PLCB1: variants seen among roughly 807,000 people sequenced by gnomAD.
PLCB1 encodes phospholipase C beta 1.
A neutral mutation model predicts 161.8 loss-of-function variants in PLCB1; 46 were observed. That is an observed-to-expected ratio of 0.28 (90% CI 0.22 to 0.36). The LOEUF is 0.36. Among genes scored for constraint, PLCB1 ranks in the 10% least tolerant of loss-of-function variants. The pLI, the probability that PLCB1 is intolerant of heterozygous loss-of-function variation, is 1.00. For missense variants in PLCB1, 1,016 were observed against 1,472.5 expected (o/e 0.69, Z 5.07); for synonymous variants, 517 against 503.7 (o/e 1.03, Z -0.35).
intron 3 of PLCB1, among the ~76,000 whole-genome samples, chr20:8,568,434 A>C (rs1356857669): frequency 6.6e-6 from 1 of 152,168 alleles, no homozygotes; most frequent in African/African-American, 2.4e-5. Flanking sequence ...GGAGAAAAAA[A>C]TTTGTACTTT....
At chr20:8,620,607 G>C (rs1164008805) in intron 3 of PLCB1, among the ~76,000 whole-genome samples, 5 of 151,796 alleles carry the variant, frequency 3.3e-5, no homozygotes, top group Non-Finnish European at 7.4e-5. Context: ...AGGTCTGGTG[G>C]TGTGCACCTG....
At chr20:8,605,610 CTT>C (rs74685527) in intron 3 of PLCB1, among the ~76,000 whole-genome samples, 128 of 88,254 alleles carry the variant, frequency 1.5e-3, no homozygotes, top group African/African-American at 3.0e-3. Flanking sequence ...TTGGTGTTTT[CTT>C]TTTTTTTTTT....
intron 4 of PLCB1, among the ~76,000 whole-genome samples, chr20:8,630,085 GTT>G (rs11476024): frequency 2.4e-5 from 2 of 84,040 alleles, no homozygotes; most frequent in African/African-American, 4.0e-5. Flanking sequence ...TCTCTTTCTT[GTT>G]TTTTTTTTTG....
intron 3 of PLCB1, among the ~76,000 whole-genome samples, chr20:8,466,891 C>T (rs897330841): frequency 6.6e-6 from 1 of 152,052 alleles, no homozygotes; most frequent in African/African-American, 2.4e-5. Flanking sequence ...GGTAGAGACT[C>T]GTGTATGATG....
intron 9 of PLCB1, among the ~76,000 whole-genome samples, chr20:8,673,232 A>G (rs1464931706): frequency 6.6e-6 from 1 of 152,128 alleles, no homozygotes; most frequent in African/African-American, 2.4e-5. Context: ...ACCTAATAGG[A>G]AATTCTACCA....
At chr20:8,604,659 A>T (rs2123152738) in intron 3 of PLCB1, among the ~76,000 whole-genome samples, 1 of 152,318 alleles carries the variant, frequency 6.6e-6, no homozygotes, top group South Asian at 2.1e-4. Flanking sequence ...AAGACTATAA[A>T]AGAGGCAGGA....
intron 2 of PLCB1, among the ~76,000 whole-genome samples, chr20:8,330,950 C>T (rs1374462602): frequency 6.6e-6 from 1 of 152,184 alleles, no homozygotes; most frequent in African/African-American, 2.4e-5. Context: ...ATTTAATATG[C>T]ACAAAGCGCT....
In PLCB1 at chr20:8,175,464, TAAA is replaced by T. The variant is rs201444980; in HGVS notation, c.177+25101_177+25103del. ...TTCATAGGCAAAAAATAAGTAAAAATAAAAAAAAAAGTATAAAATGAAGTTCAA... is the reference window on the plus strand; with the variant it reads ...TTCATAGGCAAAAAATAAGTAAAAATAAAAAAAGTATAAAATGAAGTTCAA... On this transcript the variant is annotated intron_variant, in intron 2 of 31. Coordinates refer to ENST00000338037, the MANE Select transcript of PLCB1 (RefSeq NM_015192.4). Among the ~76,000 whole-genome samples the T allele has an allele frequency of 6.9e-4, 22 of 32,038 alleles. 1 individual carries two copies. Among genetic ancestry groups the T allele is most frequent in the Admixed American group, 2.3e-3 (14 of 5,958 alleles). The allele number at this position is 32,038 out of a possible 152,430, so 21.0% of individuals were successfully genotyped here.
At chr20:8,228,516 T>C (rs1449143940) in intron 2 of PLCB1, among the ~76,000 whole-genome samples, 2 of 152,054 alleles carry the variant, frequency 1.3e-5, no homozygotes, top group African/African-American at 4.8e-5. Context: ...TTCTGTTTTG[T>C]TTCGTTTCTG....
chr20:8,498,627 A>G (rs1534968), intron 3 of PLCB1, among the ~76,000 whole-genome samples: 93,481 of 151,996 alleles, frequency 0.62, 30,051 homozygotes, highest in Non-Finnish European at 0.71. Context: ...TACCAGAGAC[A>G]TGTGATGCCA....
intron 31 of PLCB1, among the ~76,000 whole-genome samples, chr20:8,857,083 G>A (rs1388201176): frequency 6.6e-6 from 1 of 152,174 alleles, no homozygotes; most frequent in Non-Finnish European, 1.5e-5. Context: ...GCCTCTGCTA[G>A]AACGACCGGA....
intron 2 of PLCB1, among the ~76,000 whole-genome samples, chr20:8,237,901 A>T (rs1303556833): frequency 1.3e-5 from 2 of 152,146 alleles, no homozygotes; most frequent in Non-Finnish European, 2.9e-5. Flanking sequence ...CCAACTTCTT[A>T]TAAAAAGATT....
intron 3 of PLCB1, among the ~76,000 whole-genome samples, chr20:8,472,903 C>T (rs1982116564): frequency 6.6e-6 from 1 of 152,140 alleles, no homozygotes; most frequent in East Asian, 1.9e-4. Flanking sequence ...TTACAAAATG[C>T]TCTTTCTGGT....
intron 3 of PLCB1, among the ~76,000 whole-genome samples, chr20:8,617,982 T>C (rs1211172951): frequency 6.6e-6 from 1 of 152,190 alleles, no homozygotes; most frequent in African/African-American, 2.4e-5. Context: ...GAGTTAATTC[T>C]TGACAATAGG....
intron 3 of PLCB1, among the ~76,000 whole-genome samples, chr20:8,612,616 C>T (rs1987935408): frequency 6.6e-6 from 1 of 152,140 alleles, no homozygotes; most frequent in Non-Finnish European, 1.5e-5. Context: ...TGTAGATTAC[C>T]TTAGACCTTT....
chr20:8,291,836 C>T (rs1423125609), intron 2 of PLCB1, among the ~76,000 whole-genome samples: 1 of 152,072 alleles, frequency 6.6e-6, no homozygotes, highest in East Asian at 1.9e-4. Context: ...ATGAAAATAA[C>T]ATTAAGATTG....
chr20:8,202,275 C>CT, intron 2 of PLCB1, among the ~76,000 whole-genome samples: 1 of 151,824 alleles, frequency 6.6e-6, no homozygotes, highest in Non-Finnish European at 1.5e-5. Flanking sequence ...TGGGGTTTCC[C>CT]ATGTTGGCTA....
chr20:8,582,494 C>A (rs1177415483), intron 3 of PLCB1, among the ~76,000 whole-genome samples: 1 of 152,152 alleles, frequency 6.6e-6, no homozygotes, highest in African/African-American at 2.4e-5. Context: ...GTAACTACGT[C>A]CTTGCCTAGC....
At position 8,701,633 on chromosome 20, in the gene PLCB1, G is replaced by A. The variant is rs534704098; in HGVS notation, c.1167+3850G>A. Among the ~76,000 whole-genome samples the A allele has an allele frequency of 2.6e-5, 4 of 152,176 alleles. No individual in the cohort carries two copies. The East Asian group carries it at 5.8e-4, about 22-fold the overall frequency. ...CTTGTTTATTGTCCCTTCTACTAAC[G>A]CATAAGCTCCACAAAGACAGGGCTC... is the stretch of plus-strand genomic sequence containing the variant. On this transcript the variant is annotated intron_variant, in intron 11 of 31. Coordinates refer to ENST00000338037, the MANE Select transcript of PLCB1 (RefSeq NM_015192.4).
Sources: allele counts gnomAD v4.1 joint callset (sites outside exome capture counted in the v4.1 genomes callset), GRCh38; gene constraint gnomAD v4.1.1; transcripts MANE v1.5; gene names NCBI Gene and HGNC (gene_info 2026-07-23, HGNC 2026-07-21).